Variants in ZNF257 observed in about 807,000 individuals in gnomAD.
ZNF257 encodes the protein zinc finger protein 257.
Under a neutral mutation model 11.9 loss-of-function variants are expected in ZNF257, and 12 were observed. The ratio of observed to expected loss-of-function variants is 1.01; its 90% CI spans 0.65 to 1.63. The LOEUF is 1.63. Among genes scored for constraint, ZNF257 ranks in the 40% most tolerant of loss-of-function variants. ZNF257 has a pLI of 0.00. For missense variants in ZNF257, 580 were observed against 665.5 expected, an observed-to-expected ratio of 0.87 and a Z score of 1.41; for synonymous variants, 183 against 222.7, an observed-to-expected ratio of 0.82 and a Z score of 1.59.
rs147977823 is a variant in ZNF257 at position 22,068,220 on chromosome 19, T to C, written c.4-4589T>C. Among the ~76,000 whole-genome samples the C allele has an allele frequency of 2.5e-3, 380 of 151,222 alleles. 5 individuals carry two copies. Among genetic ancestry groups the C allele is most frequent in the African/African-American group, 8.8e-3 (360 of 40,986 alleles). On this transcript the variant is annotated intron_variant, in intron 1 of 3. Coordinates refer to ENST00000594947, the MANE Select transcript of ZNF257 (RefSeq NM_033468.4). ...TAACTGCTGATTATCAAAGTGTAGA[T>C]TCCAGGCAACTTGAATCTTTGCTCC... is the stretch of plus-strand genomic sequence containing the variant.
At chr19:22,069,218 A>C (rs1034935979) in intron 1 of ZNF257, among the ~76,000 whole-genome samples, 3 of 152,152 alleles carry the variant, frequency 2.0e-5, no homozygotes. Flanking sequence ...CAGACTAGCA[A>C]CTGGATAAAC....
At chr19:22,065,687 C>T (rs2021925678) in intron 1 of ZNF257, 1 of 152,088 alleles carries the variant, frequency 6.6e-6, no homozygotes. Flanking sequence ...TCTTGTATTT[C>T]ACTAACTTGG....
At chr19:22,078,534 T>C (rs1568487267) in intron 3 of ZNF257, among the ~76,000 whole-genome samples, 1 of 152,082 alleles carries the variant, frequency 6.6e-6, no homozygotes, top group Non-Finnish European at 1.5e-5. Context: ...ATTGTCACTC[T>C]ATTGAATATT....
rs540926229 is a variant in ZNF257 at position 22,052,562 on chromosome 19, C to G, written c.-71C>G. 6.4e-6 allele frequency: 10 copies of G among 1,566,794 alleles called. No homozygotes were observed. The Admixed American group carries it at 1.7e-4, about 27-fold the overall frequency. On this transcript the variant is annotated 5_prime_UTR_variant, in exon 1 of 4. Transcript: ENST00000594947. ...TCCTCTTCTCCTAGGGGCCCAGCCTCTGTGGCCCTGTGACCTGCAGGTATT... is the reference window on the plus strand; with the variant it reads ...TCCTCTTCTCCTAGGGGCCCAGCCTGTGTGGCCCTGTGACCTGCAGGTATT...
intron 3 of ZNF257, among the ~76,000 whole-genome samples, chr19:22,078,312 T>C (rs1407956666): frequency 6.6e-6 from 1 of 151,864 alleles, no homozygotes; most frequent in African/African-American, 2.4e-5. Context: ...GTGATTTTTA[T>C]GCAATTCTCT....
Position 22,072,910 on chromosome 19 carries a change from G to T in ZNF257, c.105G>T (p.Glu35Asp), listed in dbSNP as rs1187201024. The change falls in exon 2 of 4, where the codon GAG (glutamate) becomes GAT (aspartate). Residue 35 changes from glutamate (E) to aspartate (D), a missense_variant. Glu to Asp is a conservative substitution (Grantham distance 45, BLOSUM62 2). Transcript: ENST00000594947. ...QQNLYRDVML[E>D]NYRNLVFLGI... Reference sequence around the variant, plus strand: ...ATTTATATAGGGATGTGATGTTAGAGAACTACAGAAACCTGGTCTTCCTGG... The same window carrying T: ...ATTTATATAGGGATGTGATGTTAGATAACTACAGAAACCTGGTCTTCCTGG... 1.9e-6 allele frequency: 3 copies of T among 1,612,920 alleles called. No homozygotes were observed. In the South Asian group the frequency reaches 3.3e-5, roughly 18 times the overall value.
Position 22,089,402 on chromosome 19 carries a change from C to T in ZNF257, c.1652C>T (p.Ala551Val), listed in dbSNP as rs2022574635. 1 of 1,611,826 alleles carries T rather than the reference C, an allele frequency of 6.2e-7. No individual in the cohort carries two copies. The highest frequency in any genetic ancestry group is 2.2e-5 in the East Asian group (1 of 44,846). ...NPNKYEECGK[A>V]CNHSSNLTKH... ...AACAAATATGAAGAATGTGGCAAAG[C>T]TTGTAACCATTCCTCAAACCTTACT... Residue 551 changes from alanine (A) to valine (V), a missense_variant, in exon 4 of 4, where the codon GCT becomes GTT. Physicochemically the swap from Ala to Val is moderately conservative, Grantham distance 64. Coordinates refer to ENST00000594947, the MANE Select transcript of ZNF257 (RefSeq NM_033468.4).
chr19:22,086,182 CTTCT>C, intron 3 of ZNF257, among the ~76,000 whole-genome samples: 1 of 151,826 alleles, frequency 6.6e-6, no homozygotes, highest in Non-Finnish European at 1.5e-5. Flanking sequence ...TGTGGTTTCG[CTTCT>C]TTCTTATTTT....
At chr19:22,080,797 G>T (rs1203025354) in intron 3 of ZNF257, among the ~76,000 whole-genome samples, 1 of 150,890 alleles carries the variant, frequency 6.6e-6, no homozygotes, top group Non-Finnish European at 1.5e-5. Context: ...ATATATTTTG[G>T]AGCCCTGATA....
chr19:22,082,927 C>A (rs1049367917), intron 3 of ZNF257, among the ~76,000 whole-genome samples: 1 of 152,074 alleles, frequency 6.6e-6, no homozygotes, highest in East Asian at 1.9e-4. Flanking sequence ...ATCAGCCATA[C>A]AGCTAGTGCC....
intron 1 of ZNF257, among the ~76,000 whole-genome samples, chr19:22,065,364 G>A (rs568005360): frequency 2.1e-4 from 32 of 151,864 alleles, no homozygotes; most frequent in Admixed American, 1.9e-3. Flanking sequence ...CATGCACAGT[G>A]AATTTTTGTA....
chr19:22,085,167 C>G (rs928985910), intron 3 of ZNF257, among the ~76,000 whole-genome samples: 1 of 152,066 alleles, frequency 6.6e-6, no homozygotes, highest in Admixed American at 6.5e-5. Flanking sequence ...ATTCTCCTGC[C>G]TCAGCCTCCC....
At chr19:22,076,391 A>G (rs1252818051) in intron 3 of ZNF257, among the ~76,000 whole-genome samples, 2 of 151,790 alleles carry the variant, frequency 1.3e-5, no homozygotes, top group East Asian at 3.9e-4. Flanking sequence ...GTGAAAGAAT[A>G]GCATACAATT....
rs1241339260 is a variant in ZNF257 at position 22,089,401 on chromosome 19, G to C, written c.1651G>C (p.Ala551Pro). 9 of 1,611,914 alleles carry C rather than the reference G, an allele frequency of 5.6e-6. No homozygotes were observed. The highest frequency in any genetic ancestry group is 7.6e-6 in the Non-Finnish European group (9 of 1,179,050). The change falls in exon 4 of 4, where the codon GCT (alanine) becomes CCT (proline). Residue 551 changes from alanine (A) to proline (P), a missense_variant. Coordinates refer to ENST00000594947, the MANE Select transcript of ZNF257 (RefSeq NM_033468.4). ...CAACAAATATGAAGAATGTGGCAAA[G>C]CTTGTAACCATTCCTCAAACCTTAC... Reference protein sequence around the residue: ...NPNKYEECGKACNHSSNLTKH... With the variant: ...NPNKYEECGKPCNHSSNLTKH...
chr19:22,089,622 T>G lies in ZNF257; in HGVS notation c.*180T>G. 6.3e-6 allele frequency: 9 copies of G among 1,421,442 alleles called. No homozygotes were observed. The highest frequency in any genetic ancestry group is 8.3e-6 in the Non-Finnish European group (9 of 1,085,442). 88.1% of individuals were successfully genotyped at this position (1,421,442 alleles called of 1,614,324 possible). A position where few individuals can be genotyped will look rare whatever the true frequency, so the allele number is the denominator to read the frequency against. On this transcript the variant is annotated 3_prime_UTR_variant, in exon 4 of 4. Transcript: ENST00000594947. ...AATAATTCATGCTGGAGAGAAACTC[T>G]TGAAATGTGATGAATGTGGCATAGC...
chr19:22,058,470 A>G (rs1318316060), intron 1 of ZNF257, among the ~76,000 whole-genome samples: 2 of 152,114 alleles, frequency 1.3e-5, no homozygotes, highest in Admixed American at 1.3e-4. Context: ...TTTGTTCCTG[A>G]CATCTGCAGT....
At chr19:22,067,029 G>A (rs929066943) in intron 1 of ZNF257, among the ~76,000 whole-genome samples, 1 of 151,696 alleles carries the variant, frequency 6.6e-6, no homozygotes, top group Admixed American at 6.6e-5. Flanking sequence ...AACACATAAG[G>A]TGCCAGCCAA....
chr19:22,064,243 G>A (rs746205155), intron 1 of ZNF257: 13 of 152,184 alleles, frequency 8.5e-5, no homozygotes, highest in Non-Finnish European at 1.8e-4. Flanking sequence ...CTTCTACCTT[G>A]AAATAAGCAC....
intron 3 of ZNF257, among the ~76,000 whole-genome samples, chr19:22,080,056 T>A (rs1171782109): frequency 6.6e-6 from 1 of 152,136 alleles, no homozygotes. Context: ...TTTGGCTCAC[T>A]GTCACCTCAA....
Sources: gnomAD v4.1 joint callset for allele counts (sites outside exome capture counted in the v4.1 genomes callset) on GRCh38, gnomAD v4.1.1 for gene constraint, MANE v1.5 for transcripts, NCBI Gene and HGNC (gene_info 2026-07-23, HGNC 2026-07-21) for gene names.